The following KLHL1 variants were observed in gnomAD, a reference collection of about 807,000 sequenced individuals.
KLHL1 encodes kelch like family member 1.
In KLHL1, 47 loss-of-function variants were observed where a neutral mutation model predicts 77.7. That is an observed-to-expected ratio of 0.60 (90% CI 0.48 to 0.77). The LOEUF is 0.77. KLHL1 is among the 30% of genes least tolerant of loss of function. The pLI is 0.00. For missense variants in KLHL1, 925 were observed against 910.8 expected (o/e 1.02, Z -0.20); for synonymous variants, 360 against 325.2 (o/e 1.11, Z -1.15).
chr13:70,022,188 A>G (rs1411626045), intron 1 of KLHL1, among the ~76,000 whole-genome samples: 2 of 151,764 alleles, frequency 1.3e-5, no homozygotes, highest in Non-Finnish European at 2.9e-5. Flanking sequence ...ACTTTTCTTT[A>G]GATGCGGCTA....
chr13:69,975,543 T>C, intron 2 of KLHL1, 77 bp downstream of exon 2: 2 of 1,208,736 alleles, frequency 1.7e-6, no homozygotes, highest in East Asian at 5.2e-5. Context: ...AGTCATATAA[T>C]ATTCTGCAAT....
At chr13:69,893,870 T>C (rs1369224087) in intron 4 of KLHL1, among the ~76,000 whole-genome samples, 1 of 152,192 alleles carries the variant, frequency 6.6e-6, no homozygotes, top group Admixed American at 6.5e-5. Context: ...AAGAGCACCC[T>C]TTTTTGGGAA....
chr13:69,780,743 T>TATATATATATATAC (rs1187433193), intron 7 of KLHL1, among the ~76,000 whole-genome samples: 1 of 60,956 alleles, frequency 1.6e-5, no homozygotes, highest in Non-Finnish European at 3.5e-5. Flanking sequence ...CATATATATA[T>TATATATATATATAC]ACATATATAT....
At chr13:69,835,099 G>C (rs1277597654) in intron 6 of KLHL1, among the ~76,000 whole-genome samples, 6 of 152,018 alleles carry the variant, frequency 3.9e-5, no homozygotes. Flanking sequence ...CAAAATGTTT[G>C]AAAAATTTCA....
At chr13:69,924,396 C>T (rs925574540) in intron 4 of KLHL1, among the ~76,000 whole-genome samples, 1 of 152,214 alleles carries the variant, frequency 6.6e-6, no homozygotes, top group East Asian at 1.9e-4. Flanking sequence ...CCATAAAACC[C>T]CCCAGACTCA....
In KLHL1 at chr13:70,001,657, T is replaced by TC. The variant is rs1555289485; in HGVS notation, c.498-25856_498-25855insG. Among the ~76,000 whole-genome samples, 689 of 145,378 alleles carry TC rather than the reference T, an allele frequency of 4.7e-3. 6 individuals carry two copies. The highest frequency in any genetic ancestry group is 0.016 in the African/African-American group (629 of 39,826). The stretch of plus-strand genomic sequence containing the variant: ...ACTGAAACATTGGGATATCTATCTA[T>TC]TATCTATCTATCTATCTATCTATCT... On this transcript the variant is annotated intron_variant, in intron 1 of 10. Transcript: ENST00000377844.
At chr13:69,805,045 C>T (rs1877558619) in intron 6 of KLHL1, among the ~76,000 whole-genome samples, 1 of 151,906 alleles carries the variant, frequency 6.6e-6, no homozygotes, top group Non-Finnish European at 1.5e-5. Context: ...TTTAGTATAA[C>T]ATTTTTATAC....
chr13:69,984,871 G>A (rs181295824), intron 1 of KLHL1, among the ~76,000 whole-genome samples: 115 of 152,226 alleles, frequency 7.6e-4, no homozygotes, highest in Non-Finnish European at 1.3e-3. Flanking sequence ...CACTTTGGGA[G>A]GCCAAGGTGG....
intron 6 of KLHL1, among the ~76,000 whole-genome samples, chr13:69,835,473 T>C (rs946891500): frequency 6.6e-6 from 1 of 152,080 alleles, no homozygotes; most frequent in Non-Finnish European, 1.5e-5. Context: ...GCATCTGCCT[T>C]GGGCCAAACA....
At chr13:70,034,368 A>T (rs1886188334) in intron 1 of KLHL1, among the ~76,000 whole-genome samples, 1 of 152,180 alleles carries the variant, frequency 6.6e-6, no homozygotes, top group African/African-American at 2.4e-5. Context: ...TAGATTCTTT[A>T]GGTCAGAGGA....
intron 1 of KLHL1, among the ~76,000 whole-genome samples, chr13:70,036,223 A>T (rs2137372986): frequency 6.6e-6 from 1 of 152,096 alleles, no homozygotes; most frequent in East Asian, 1.9e-4. Context: ...CATTGCTGCT[A>T]GGGTTACTAG....
At chr13:69,793,218 C>T (rs1167884505) in intron 7 of KLHL1, among the ~76,000 whole-genome samples, 2 of 151,760 alleles carry the variant, frequency 1.3e-5, no homozygotes, top group South Asian at 4.1e-4. Context: ...TTTTATATGA[C>T]ATAAAATATT....
intron 7 of KLHL1, among the ~76,000 whole-genome samples, chr13:69,793,377 A>G (rs1040453913): frequency 2.4e-4 from 37 of 152,076 alleles, no homozygotes; most frequent in African/African-American, 8.0e-4. Flanking sequence ...TTAAATGAAT[A>G]TAATTTTTAT....
chr13:69,923,958 C>T (rs982615229), intron 4 of KLHL1, among the ~76,000 whole-genome samples: 19 of 152,230 alleles, frequency 1.2e-4, no homozygotes, highest in African/African-American at 4.3e-4. Context: ...TGCTGCCTGG[C>T]CTCTTCCTAC....
chr13:69,868,161 T>C (rs1044010184), intron 5 of KLHL1, among the ~76,000 whole-genome samples: 11 of 152,216 alleles, frequency 7.2e-5, no homozygotes, highest in African/African-American at 2.6e-4. Flanking sequence ...AATTTCTTTA[T>C]GTGTTAAATA....
intron 6 of KLHL1, among the ~76,000 whole-genome samples, chr13:69,815,737 G>T (rs565267247): frequency 6.6e-6 from 1 of 152,132 alleles, no homozygotes; most frequent in South Asian, 2.1e-4. Flanking sequence ...AAATGAACTG[G>T]AATATTAAAA....
Position 69,774,367 on chromosome 13 carries a change from A to T in KLHL1, c.1639+22371T>A, listed in dbSNP as rs1446702994. Among the ~76,000 whole-genome samples, 11 of 152,006 alleles carry T rather than the reference A, an allele frequency of 7.2e-5. No individual in the cohort carries two copies. The East Asian group carries it at 1.9e-3, about 27-fold the overall frequency. On this transcript the variant is annotated intron_variant, in intron 7 of 10. Transcript: ENST00000377844. ...GATTGATTTTAACTTGTTAAACTTT[A>T]ATATATTATATTTTTGTATATTGCC...
intron 1 of KLHL1, among the ~76,000 whole-genome samples, chr13:70,063,600 G>A (rs1283671234): frequency 6.6e-6 from 1 of 151,784 alleles, no homozygotes. Context: ...TTCAATATAA[G>A]TAAAATATGA....
Position 69,947,026 on chromosome 13 carries a change from TGTTG to T in KLHL1, c.818-6794_818-6791del, listed in dbSNP as rs1282263086. ...CCTGCCATACAAAATTGTGTGTGTG[TGTTG>T]TGTGTGTGTGTGTGTGTGTGTGTGT... is the stretch of plus-strand genomic sequence containing the variant. On this transcript the variant is annotated intron_variant, in intron 3 of 10. Transcript: ENST00000377844. Among the ~76,000 whole-genome samples the T allele has an allele frequency of 2.9e-5, 3 of 103,410 alleles. No homozygotes were observed. In the East Asian group the frequency reaches 8.6e-4, roughly 30 times the overall value. 67.8% of individuals were successfully genotyped at this position (103,410 alleles called of 152,430 possible).
Sources: gnomAD v4.1 joint callset for allele counts (sites outside exome capture counted in the v4.1 genomes callset) on GRCh38, gnomAD v4.1.1 for gene constraint, MANE v1.5 for transcripts, NCBI Gene and HGNC (gene_info 2026-07-23, HGNC 2026-07-21) for gene names.